MTHFD1: variants seen among roughly 807,000 people sequenced by gnomAD.
The protein encoded by MTHFD1 is methylenetetrahydrofolate dehydrogenase, cyclohydrolase and formyltetrahydrofolate synthetase 1.
In MTHFD1, 44 loss-of-function variants were observed where a neutral mutation model predicts 110.3. The ratio of observed to expected loss-of-function variants is 0.40; its 90% CI spans 0.31 to 0.51. The LOEUF is 0.51. MTHFD1 is among the 20% of genes least tolerant of loss of function. The probability of loss-of-function intolerance (pLI) is 0.60; values close to 1 mark genes in which losing one functional copy is unlikely to be tolerated. For missense variants in MTHFD1, 909 were observed against 1,173.1 expected (o/e 0.77, Z 3.29); for synonymous variants, 402 against 428.8 (o/e 0.94, Z 0.77).
At chr14:64,456,972 G>A (rs1050967422) in intron 26 of MTHFD1, among the ~76,000 whole-genome samples, 15 of 152,166 alleles carry the variant, frequency 9.9e-5, no homozygotes, top group African/African-American at 3.1e-4. Context: ...AAAAATATAC[G>A]GAGTTTTCAC....
intron 24 of MTHFD1, among the ~76,000 whole-genome samples, chr14:64,453,098 C>T (rs1207848792): frequency 1.3e-5 from 2 of 151,184 alleles, no homozygotes; most frequent in Admixed American, 6.6e-5. Flanking sequence ...ATGTACTTAG[C>T]GAGAGATTTT....
At chr14:64,431,053 G>GTTTTCT (rs1262624768) in intron 13 of MTHFD1, among the ~76,000 whole-genome samples, 29 of 148,458 alleles carry the variant, frequency 2.0e-4, no homozygotes, top group Admixed American at 1.0e-3. Context: ...AGTCTTTTAT[G>GTTTTCT]TTTTCTTTTT....
At chr14:64,451,559 A>G (rs1483094789) in intron 24 of MTHFD1, among the ~76,000 whole-genome samples, 1 of 152,276 alleles carries the variant, frequency 6.6e-6, no homozygotes, top group African/African-American at 2.4e-5. Context: ...CCATAAACAC[A>G]AATTTGCACA....
intron 1 of MTHFD1, among the ~76,000 whole-genome samples, chr14:64,390,860 G>A (rs1230775981): frequency 2.0e-5 from 3 of 152,106 alleles, no homozygotes; most frequent in Non-Finnish European, 2.9e-5. Flanking sequence ...TGTTGGTCAG[G>A]CTGGTCTGTA....
Position 64,441,980 on chromosome 14 carries a change from C to T in MTHFD1, c.1885-74C>T, listed in dbSNP as rs2078252978. On this transcript the variant is annotated intron_variant, in intron 19 of 27. Coordinates refer to ENST00000652337, the MANE Select transcript of MTHFD1 (RefSeq NM_005956.4). ...TCTTCCTTCCGATTCCAAATCAATT[C>T]CATACCGTTGAATGTGTGATCCCAC... The T allele has an allele frequency of 3.1e-6, 3 of 964,292 alleles. No homozygotes were observed. The Admixed American group carries it at 5.4e-5, about 17-fold the overall frequency. 59.7% of individuals were successfully genotyped at this position (964,292 alleles called of 1,614,324 possible). A position where few individuals can be genotyped will look rare whatever the true frequency, so the allele number is the denominator to read the frequency against.
At chr14:64,458,632 G>C (rs1264257732) in intron 27 of MTHFD1, 4 of 396,300 alleles carry the variant, frequency 1.0e-5, no homozygotes, top group Non-Finnish European at 1.9e-5. Flanking sequence ...CAGGAGGCTT[G>C]GGGTTCAGAG....
At chr14:64,394,229 A>G (rs2077829382) in intron 1 of MTHFD1, among the ~76,000 whole-genome samples, 1 of 152,136 alleles carries the variant, frequency 6.6e-6, no homozygotes. Context: ...TTTGCAGTTT[A>G]TGACACTTTA....
intron 1 of MTHFD1, among the ~76,000 whole-genome samples, chr14:64,393,768 T>TATTTGCATGAAGA (rs1336060224): frequency 6.6e-6 from 1 of 152,148 alleles, no homozygotes; most frequent in Non-Finnish European, 1.5e-5. Flanking sequence ...TTACATCCCC[T>TATTTGCATGAAGA]ATTTGCATGA....
Position 64,411,825 on chromosome 14 carries a change from T to C in MTHFD1, c.187-647T>C, listed in dbSNP as rs551162981. 2.0e-5 allele frequency among the ~76,000 whole-genome samples: 3 copies of C among 151,986 alleles called. No individual in the cohort carries two copies. In the South Asian group the frequency reaches 6.2e-4, roughly 32 times the overall value. ...CTGAGGCAGGAGAATCGCTTGAACC[T>C]GGGAGGCGGAGGTTGTGGTGAGCCA... On this transcript the variant is annotated intron_variant, in intron 3 of 27. Transcript: ENST00000652337.
At chr14:64,403,510 C>T (rs190965124) in intron 2 of MTHFD1, among the ~76,000 whole-genome samples, 179 of 152,154 alleles carry the variant, frequency 1.2e-3, no homozygotes, top group African/African-American at 4.1e-3. Context: ...TCAGGTGATC[C>T]ACCTGCCTCA....
rs145728423 is a variant in MTHFD1, at chr14:64,435,896, C to T, written c.1597+225C>T. On this transcript the variant is annotated intron_variant, in intron 16 of 27. Transcript: ENST00000652337. The stretch of plus-strand genomic sequence containing the variant: ...TTTGTTGGATTGGTCGAACATTTTG[C>T]TGGCTATTCAGTGTTGACTGAAATT... Among the ~76,000 whole-genome samples, 41 of 152,296 alleles carry T rather than the reference C, an allele frequency of 2.7e-4. 1 individual carries two copies. The East Asian group carries it at 7.7e-3, about 29-fold the overall frequency.
intron 23 of MTHFD1, chr14:64,448,594 TTA>T (rs879927867): frequency 5.8e-5 from 26 of 451,418 alleles, no homozygotes; most frequent in Non-Finnish European, 1.0e-4. Flanking sequence ...TTTTTCATCT[TTA>T]GAGGCCTTTT....
At chr14:64,431,707 T>C in intron 14 of MTHFD1, 68 bp downstream of exon 14, 2 of 1,591,576 alleles carry the variant, frequency 1.3e-6, no homozygotes, top group Non-Finnish European at 1.7e-6. Flanking sequence ...TGAATTAGTG[T>C]TGGTGTCTTG....
intron 2 of MTHFD1, among the ~76,000 whole-genome samples, chr14:64,410,833 A>G (rs1423468032): frequency 2.0e-5 from 3 of 152,096 alleles, no homozygotes; most frequent in African/African-American, 7.2e-5. Context: ...TCCAGTGCAG[A>G]TGCAGATATC....
intron 18 of MTHFD1, 24 bp downstream of exon 18, chr14:64,440,290 T>C (rs2078237771): frequency 3.7e-6 from 6 of 1,614,202 alleles, no homozygotes; most frequent in Non-Finnish European, 5.1e-6. Flanking sequence ...CACGCCAGGC[T>C]TGGCGACATA....
intron 8 of MTHFD1, 124 bp from the exon 9 acceptor site, chr14:64,424,680 G>A (rs2140963000): frequency 9.7e-7 from 1 of 1,034,314 alleles, no homozygotes; most frequent in Admixed American, 2.0e-5. Context: ...TAGCTTTTAA[G>A]TTAAGTAGGC....
intron 4 of MTHFD1, among the ~76,000 whole-genome samples, 178 bp downstream of exon 4, chr14:64,412,703 T>A (rs2077994226): frequency 6.8e-6 from 1 of 146,086 alleles, no homozygotes; most frequent in South Asian, 2.2e-4. Context: ...AATGATGCGA[T>A]CTCGACTCTC....
At chr14:64,434,204 G>A (rs896641081) in intron 15 of MTHFD1, among the ~76,000 whole-genome samples, 2 of 152,152 alleles carry the variant, frequency 1.3e-5, no homozygotes, top group Non-Finnish European at 2.9e-5. Context: ...AATCACTTTT[G>A]TCAGACCCAG....
chr14:64,396,808 T>A (rs779918893), intron 1 of MTHFD1, among the ~76,000 whole-genome samples: 7 of 150,994 alleles, frequency 4.6e-5, no homozygotes, highest in African/African-American at 1.5e-4. Flanking sequence ...TTCTGCATTT[T>A]AAAAATCTTA....
Sources: gnomAD v4.1 joint callset for allele counts (sites outside exome capture counted in the v4.1 genomes callset) on GRCh38, gnomAD v4.1.1 for gene constraint, MANE v1.5 for transcripts, NCBI Gene and HGNC (gene_info 2026-07-23, HGNC 2026-07-21) for gene names.